Variants in FGF12 observed in about 807,000 individuals in gnomAD.
FGF12 encodes fibroblast growth factor 12.
Under a neutral mutation model 23.6 loss-of-function variants are expected in FGF12, and 14 were observed. That is an observed-to-expected ratio of 0.59 (90% CI 0.39 to 0.93). FGF12 has a LOEUF of 0.93. FGF12 is among the 40% of genes least tolerant of loss of function. The probability of loss-of-function intolerance (pLI) is 0.00; values close to 1 mark genes in which losing one functional copy is unlikely to be tolerated. For missense variants in FGF12, 175 were observed against 217.8 expected (o/e 0.80, Z 1.24); for synonymous variants, 62 against 77.3 (o/e 0.80, Z 1.04).
chr3:192,486,994 G>A (rs1407616156), intron 2 of FGF12, among the ~76,000 whole-genome samples: 1 of 151,730 alleles, frequency 6.6e-6, no homozygotes. Context: ...CTTTGGATTT[G>A]TTTTACTATT....
chr3:192,513,034 C>CG (rs928214821), intron 2 of FGF12, among the ~76,000 whole-genome samples: 4 of 151,532 alleles, frequency 2.6e-5, no homozygotes, highest in Admixed American at 2.0e-4. Context: ...ATTTAGGAAA[C>CG]TGACTCTGCA....
At chr3:192,444,253 A>G (rs575459729) in intron 2 of FGF12, among the ~76,000 whole-genome samples, 1 of 152,216 alleles carries the variant, frequency 6.6e-6, no homozygotes, top group East Asian at 1.9e-4. Flanking sequence ...CTGACCTTGA[A>G]AAAAGGAGAA....
intron 4 of FGF12, among the ~76,000 whole-genome samples, chr3:192,277,342 A>G (rs570712336): frequency 2.6e-5 from 4 of 151,764 alleles, no homozygotes; most frequent in African/African-American, 9.7e-5. Flanking sequence ...GAGCAGTCAT[A>G]AAACACTTAT....
At chr3:192,472,763 A>G (rs2108814438) in intron 2 of FGF12, among the ~76,000 whole-genome samples, 1 of 151,972 alleles carries the variant, frequency 6.6e-6, no homozygotes, top group Admixed American at 6.6e-5. Context: ...CTGTCTCCTC[A>G]CCTCCTCCCA....
chr3:192,612,496 C>T (rs2701590), intron 2 of FGF12, among the ~76,000 whole-genome samples: 111,365 of 151,688 alleles, frequency 0.73, 41,267 homozygotes, highest in East Asian at 0.97. Flanking sequence ...AATAAATAGA[C>T]AAATGGCTAC....
At chr3:192,646,862 T>A (rs1394057698) in intron 2 of FGF12, among the ~76,000 whole-genome samples, 1 of 152,114 alleles carries the variant, frequency 6.6e-6, no homozygotes, top group African/African-American at 2.4e-5. Context: ...AACTTTACGG[T>A]ATGTAAATTA....
chr3:192,458,626 T>TAG (rs1722758907), intron 2 of FGF12, among the ~76,000 whole-genome samples: 1 of 152,186 alleles, frequency 6.6e-6, no homozygotes, highest in African/African-American at 2.4e-5. Context: ...AGGAAGGAAC[T>TAG]AGCTTGCTTT....
intron 5 of FGF12, among the ~76,000 whole-genome samples, chr3:192,150,065 G>C (rs1453277127): frequency 6.4e-5 from 6 of 93,342 alleles, no homozygotes; most frequent in Admixed American, 3.5e-4. Flanking sequence ...CTGATGGCCA[G>C]TGATGATGAG....
rs372183652 is a variant in FGF12 at position 192,437,209 on chromosome 3, G to A, written c.14-76671C>T. 1.1e-4 allele frequency among the ~76,000 whole-genome samples: 17 copies of A among 152,188 alleles called. No individual in the cohort carries two copies. In the East Asian group the frequency reaches 1.7e-3, roughly 16 times the overall value. On this transcript the variant is annotated intron_variant, in intron 2 of 5. Coordinates refer to ENST00000445105, the MANE Select transcript of FGF12 (RefSeq NM_004113.6). ...TAGAGGAAGTGCCTGTGATAGGATT[G>A]CAGACTACAAAAAAATACTAACAAT...
At chr3:192,580,920 A>G (rs1713106166) in intron 2 of FGF12, among the ~76,000 whole-genome samples, 1 of 152,174 alleles carries the variant, frequency 6.6e-6, no homozygotes, top group Admixed American at 6.5e-5. Context: ...TTTTAATGAC[A>G]CTAATACATG....
chr3:192,552,332 G>A (rs1711563004), intron 2 of FGF12, among the ~76,000 whole-genome samples: 1 of 151,904 alleles, frequency 6.6e-6, no homozygotes, highest in African/African-American at 2.4e-5. Flanking sequence ...GACGGAGGAG[G>A]AGAAAAAGTA....
chr3:192,495,562 A>T (rs1723931204), intron 2 of FGF12, among the ~76,000 whole-genome samples: 1 of 152,208 alleles, frequency 6.6e-6, no homozygotes, highest in African/African-American at 2.4e-5. Flanking sequence ...TCAAGGAAAG[A>T]ATTAGCACAC....
At chr3:192,192,908 C>T (rs576281238) in intron 4 of FGF12, among the ~76,000 whole-genome samples, 1 of 152,152 alleles carries the variant, frequency 6.6e-6, no homozygotes, top group East Asian at 1.9e-4. Flanking sequence ...CATGAACTGT[C>T]AATAAAAATG....
At chr3:192,571,353 A>T (rs1049941055) in intron 2 of FGF12, among the ~76,000 whole-genome samples, 1 of 152,124 alleles carries the variant, frequency 6.6e-6, no homozygotes, top group African/African-American at 2.4e-5. Context: ...AAACAAAAAA[A>T]CCCTGATCAT....
At chr3:192,562,005 G>T (rs183345045) in intron 2 of FGF12, among the ~76,000 whole-genome samples, 2 of 151,712 alleles carry the variant, frequency 1.3e-5, no homozygotes, top group South Asian at 4.2e-4. Context: ...TAATTCAAAT[G>T]TCTACCAAAA....
chr3:192,303,829 C>A (rs1715473054), intron 4 of FGF12, among the ~76,000 whole-genome samples: 2 of 152,160 alleles, frequency 1.3e-5, no homozygotes, highest in African/African-American at 4.8e-5. Flanking sequence ...CAGTGTTGTG[C>A]TAATCACAAA....
intron 4 of FGF12, among the ~76,000 whole-genome samples, chr3:192,217,275 C>T (rs571930095): frequency 1.8e-4 from 27 of 152,260 alleles, no homozygotes; most frequent in Admixed American, 5.2e-4. Context: ...ACACCTTAAG[C>T]GCTATATGAG....
rs1173552673 is a variant in FGF12, at chr3:192,482,107, G to T, written c.14-121569C>A. Among the ~76,000 whole-genome samples the T allele has an allele frequency of 2.0e-5, 3 of 152,084 alleles. No homozygotes were observed. The East Asian group carries it at 5.8e-4, about 29-fold the overall frequency. ...CACTGCTGAGAATGGTAAGAACATT[G>T]CACCTCATTATTGGGATCACTATGA... On this transcript the variant is annotated intron_variant, in intron 2 of 5. Coordinates refer to ENST00000445105, the MANE Select transcript of FGF12 (RefSeq NM_004113.6).
Position 192,426,651 on chromosome 3 carries a change from A to C in FGF12, c.14-66113T>G, listed in dbSNP as rs866194250. 2.0e-5 allele frequency among the ~76,000 whole-genome samples: 3 copies of C among 152,358 alleles called. No homozygotes were observed. In the South Asian group the frequency reaches 6.2e-4, roughly 32 times the overall value. On this transcript the variant is annotated intron_variant, in intron 2 of 5. Transcript: ENST00000445105. ...AAATTACTTGAGAGTTGTAGGAGAT[A>C]AAAAGTGTAATACAAAAGAAAGATG...
Sources: allele counts gnomAD v4.1 joint callset (sites outside exome capture counted in the v4.1 genomes callset), GRCh38; gene constraint gnomAD v4.1.1; transcripts MANE v1.5; gene names NCBI Gene and HGNC (gene_info 2026-07-23, HGNC 2026-07-21).